Variants in JAKMIP3 observed in about 807,000 individuals in gnomAD.
JAKMIP3 encodes janus kinase and microtubule-interacting protein 3.
Under a neutral mutation model 118.5 loss-of-function variants are expected in JAKMIP3, and 58 were observed. The observed-to-expected ratio is 0.49, with a 90% CI of 0.40 to 0.61. The LOEUF (loss-of-function observed/expected upper bound fraction) is 0.61, where lower values mean the gene tolerates loss of function less well. Ranked by LOEUF, JAKMIP3 falls within the 20% of genes least tolerant of loss-of-function variation. The pLI is 0.00. For missense variants in JAKMIP3, 950 were observed against 1,109.0 expected, an observed-to-expected ratio of 0.86 and a Z score of 2.04; for synonymous variants, 486 against 451.2, an observed-to-expected ratio of 1.08 and a Z score of -0.98.
intron 12 of JAKMIP3, 107 bp from the exon 13 acceptor site, chr10:132,145,411 G>A: frequency 6.1e-6 from 7 of 1,142,442 alleles, no homozygotes; most frequent in Non-Finnish European, 8.9e-6. Context: ...ACGGGGCTTT[G>A]CCACGCTGGC....
chr10:132,175,731 T>C (rs1250233227), intron 23 of JAKMIP3, among the ~76,000 whole-genome samples: 1 of 152,188 alleles, frequency 6.6e-6, no homozygotes, highest in East Asian at 1.9e-4. Context: ...TGATGTCTGT[T>C]TGGTCATCTT....
At chr10:132,142,397 G>A (rs12778246) in intron 11 of JAKMIP3, among the ~76,000 whole-genome samples, 68,297 of 152,028 alleles carry the variant, frequency 0.45, 15,527 homozygotes, top group African/African-American at 0.48. Flanking sequence ...CATGGCGATG[G>A]CCCGTGGCAG....
At chr10:132,054,180 A>T (rs2038172845) in intron 1 of JAKMIP3, among the ~76,000 whole-genome samples, 1 of 152,148 alleles carries the variant, frequency 6.6e-6, no homozygotes, top group Non-Finnish European at 1.5e-5. Flanking sequence ...AGGACATGGA[A>T]TGAGGCCTCT....
intron 13 of JAKMIP3, 81 bp downstream of exon 13, chr10:132,145,661 G>A: frequency 8.3e-7 from 1 of 1,203,634 alleles, no homozygotes; most frequent in Non-Finnish European, 1.2e-6. Context: ...GGGGCTGAAG[G>A]ATGGAGCGAG....
intron 2 of JAKMIP3, among the ~76,000 whole-genome samples, chr10:132,113,573 T>C (rs1484274564): frequency 6.6e-6 from 1 of 152,200 alleles, no homozygotes; most frequent in Non-Finnish European, 1.5e-5. Context: ...TGAGGAAGAA[T>C]GTTTGCTAAT....
intron 2 of JAKMIP3, among the ~76,000 whole-genome samples, chr10:132,108,088 C>T (rs913717369): frequency 1.3e-5 from 2 of 152,198 alleles, no homozygotes; most frequent in African/African-American, 2.4e-5. Flanking sequence ...GATCATGGCT[C>T]GGCGTTGCTC....
chr10:132,180,342 C>T (rs2060624527), intron 23 of JAKMIP3, among the ~76,000 whole-genome samples: 1 of 151,218 alleles, frequency 6.6e-6, no homozygotes, highest in African/African-American at 2.4e-5. Flanking sequence ...GGATGGCTGC[C>T]TCCCACCTGT....
intron 3 of JAKMIP3, among the ~76,000 whole-genome samples, chr10:132,124,653 G>A (rs1052619613): frequency 5.9e-5 from 9 of 152,192 alleles, no homozygotes; most frequent in Admixed American, 2.0e-4. Flanking sequence ...GCGGTCACCC[G>A]TCCTTCTGTG....
intron 11 of JAKMIP3, among the ~76,000 whole-genome samples, chr10:132,143,149 G>T (rs902654812): frequency 1.3e-5 from 2 of 151,048 alleles, no homozygotes; most frequent in African/African-American, 2.4e-5. Context: ...AGTCGGGGTG[G>T]GGGGGGCTGG....
chr10:132,148,540 G>C (rs11146214), intron 14 of JAKMIP3, among the ~76,000 whole-genome samples: 2 of 151,706 alleles, frequency 1.3e-5, no homozygotes, highest in Admixed American at 1.3e-4. Flanking sequence ...ATCCGCCCCC[G>C]TGGCCCTGCT....
At chr10:132,180,740 TGCGTGCGCGCGC>T (rs1173873165) in intron 23 of JAKMIP3, among the ~76,000 whole-genome samples, 305 of 5,136 alleles carry the variant, frequency 0.059, 121 homozygotes, top group African/African-American at 0.12. Flanking sequence ...CGTGTGTGCG[TGCGTGCGCGCGC>T]GTGTGTGCGT....
intron 1 of JAKMIP3, among the ~76,000 whole-genome samples, chr10:132,082,172 G>C (rs957059124): frequency 2.7e-4 from 4 of 15,034 alleles, no homozygotes; most frequent in South Asian, 3.6e-3. Context: ...GTTTGTTTGG[G>C]GGGGGGGGCT....
chr10:132,151,649 C>T (rs940617867), intron 16 of JAKMIP3, among the ~76,000 whole-genome samples: 2 of 152,242 alleles, frequency 1.3e-5, no homozygotes, highest in Non-Finnish European at 2.9e-5. Context: ...AAAGGCACTG[C>T]CCAGGGTCAC....
chr10:132,062,232 C>G (rs2038419553), upstream of JAKMIP3, among the ~76,000 whole-genome samples: 1 of 152,242 alleles, frequency 6.6e-6, no homozygotes, highest in Admixed American at 6.5e-5. Flanking sequence ...GCCCCTCAGA[C>G]TGCCCATCAG....
intron 1 of JAKMIP3, among the ~76,000 whole-genome samples, chr10:132,095,809 A>G (rs1330508397): frequency 6.6e-6 from 1 of 152,202 alleles, no homozygotes. Flanking sequence ...GTTCTGGGAC[A>G]CTGCTGAGTT....
Position 132,139,250 on chromosome 10 carries a change from A to AG in JAKMIP3, c.1344+1072_1344+1073insG, listed in dbSNP as rs1564947796. ...TGAGTGTATATGCATCTGTGTGTGT[A>AG]TGTGTGTGTGTGTATGTGTGTACAT... On this transcript the variant is annotated intron_variant, in intron 9 of 23. Coordinates refer to ENST00000684848, the MANE Select transcript of JAKMIP3 (RefSeq NM_001323087.2). Among the ~76,000 whole-genome samples, 47 of 72,596 alleles carry AG rather than the reference A, an allele frequency of 6.5e-4. 1 individual carries two copies. Among genetic ancestry groups the AG allele is most frequent in the Admixed American group, 3.1e-3 (27 of 8,694 alleles). 47.6% of individuals were successfully genotyped at this position (72,596 alleles called of 152,430 possible). A position where few individuals can be genotyped will look rare whatever the true frequency, so the allele number is the denominator to read the frequency against.
intron 1 of JAKMIP3, among the ~76,000 whole-genome samples, chr10:132,047,174 A>G (rs1159054737): frequency 6.6e-6 from 1 of 152,186 alleles, no homozygotes; most frequent in Non-Finnish European, 1.5e-5. Context: ...GCACCCAGCC[A>G]CAAGCAGGTT....
At chr10:132,043,968 T>C (rs1589998925) in intron 1 of JAKMIP3, among the ~76,000 whole-genome samples, 1 of 152,252 alleles carries the variant, frequency 6.6e-6, no homozygotes, top group Non-Finnish European at 1.5e-5. Context: ...CTGCTGGGCC[T>C]GCGTTTGATC....
chr10:132,145,421 C>T, intron 12 of JAKMIP3, 97 bp from the exon 13 acceptor site: 1 of 1,224,478 alleles, frequency 8.2e-7, no homozygotes, highest in Admixed American at 2.1e-5. Context: ...GCCACGCTGG[C>T]CAGACTGGTC....
Sources: gnomAD v4.1 joint callset for allele counts (sites outside exome capture counted in the v4.1 genomes callset) on GRCh38, gnomAD v4.1.1 for gene constraint, MANE v1.5 for transcripts, NCBI Gene and HGNC (gene_info 2026-07-23, HGNC 2026-07-21) for gene names.